PRDM15: variants seen among roughly 807,000 people sequenced by gnomAD.
PRDM15 encodes the protein PR domain zinc finger protein 15.
Under a neutral mutation model 128.6 loss-of-function variants are expected in PRDM15, and 64 were observed. The ratio of observed to expected loss-of-function variants is 0.50; its 90% CI spans 0.41 to 0.61. The LOEUF (loss-of-function observed/expected upper bound fraction) is 0.61. Among genes scored for constraint, PRDM15 ranks in the 20% least tolerant of loss-of-function variants. The pLI is 0.00. For missense variants in PRDM15, 1,242 were observed against 1,569.1 expected, an observed-to-expected ratio of 0.79 and a Z score of 3.52; for synonymous variants, 615 against 621.8, an observed-to-expected ratio of 0.99 and a Z score of 0.16.
chr21:41,810,972 A>G lies in PRDM15; in HGVS notation c.2393-136T>C. On this transcript the variant is annotated intron_variant, in intron 19 of 23. Coordinates refer to ENST00000398548, the MANE Select transcript of PRDM15 (RefSeq NM_001040424.3). This position sits in a 1 kb window ranked among gnomAD's most constrained non-coding sequence, Gnocchi z 6.4. ...GGTGAATTGCAAGAAGACAGCAGAC[A>G]ATGAACGCTCATCCCCAGCCTCGGC... is the stretch of plus-strand genomic sequence containing the variant. The G allele has an allele frequency of 1.4e-6, 1 of 721,968 alleles. No individual in the cohort carries two copies. Among genetic ancestry groups the G allele is most frequent in the Non-Finnish European group, 2.4e-6 (1 of 416,842 alleles). The allele number at this position is 721,968 out of a possible 1,614,324, so 44.7% of individuals were successfully genotyped here.
rs142303131 is a variant in PRDM15, at chr21:41,835,914, C to T, written c.1278+199G>A. ...CCTGGGCACCCACAGCCCTCGCCCA[C>T]TCTCCTCCCTCCCCCACAGGGTTTG... On this transcript the variant is annotated intron_variant, in intron 10 of 23. Transcript: ENST00000398548. 2.0e-3 allele frequency among the ~76,000 whole-genome samples: 293 copies of T among 148,756 alleles called. 5 individuals carry two copies. Among genetic ancestry groups the T allele is most frequent in the African/African-American group, 7.2e-3 (280 of 38,774 alleles).
At position 41,839,841 on chromosome 21, in the gene PRDM15, C is replaced by A. The variant is rs766511865; in HGVS notation, c.653G>T (p.Gly218Val). The change falls in exon 7 of 24, where the codon GGC becomes GTC. Residue 218 changes from glycine to valine, a missense_variant. Physicochemically the swap from Gly to Val is moderately radical, Grantham distance 109. Around this residue, in one of 3 missense-constraint regions of PRDM15, gnomAD observed 612 missense variants for 717.0 expected, o/e 0.85. Coordinates refer to ENST00000398548, the MANE Select transcript of PRDM15 (RefSeq NM_001040424.3). ...ELQLLNEHLLGHLEQAKSLPP... is the reference protein window; with the variant it reads ...ELQLLNEHLLVHLEQAKSLPP... ...AAGGCTTTTGGCTTGTTCTAAGTGG[C>A]CCAACAGATGTTCTGCAAAGAGAGA... The A allele has an allele frequency of 8.7e-6, 14 of 1,614,026 alleles. No homozygotes were observed. In the East Asian group the frequency reaches 8.9e-5, roughly 10 times the overall value.
At chr21:41,818,932 C>G (rs553095586) in intron 18 of PRDM15, among the ~76,000 whole-genome samples, 2 of 152,316 alleles carry the variant, frequency 1.3e-5, no homozygotes, top group Admixed American at 1.3e-4. Flanking sequence ...TGGTGAGTTT[C>G]TCTCTCACCA....
intron 5 of PRDM15, among the ~76,000 whole-genome samples, chr21:41,851,249 C>T (rs867253915): frequency 4.6e-5 from 7 of 152,252 alleles, no homozygotes; most frequent in African/African-American, 1.2e-4. Context: ...CAGTCCTTCA[C>T]GTATCCAGTC....
chr21:41,853,363 A>G (rs1181467070), intron 5 of PRDM15, among the ~76,000 whole-genome samples: 1 of 152,208 alleles, frequency 6.6e-6, no homozygotes, highest in Non-Finnish European at 1.5e-5. Flanking sequence ...ACAAGGAAAC[A>G]ATGCTCGTAT....
At chr21:41,804,857 G>A (rs928596265) in intron 21 of PRDM15, 55 of 373,862 alleles carry the variant, frequency 1.5e-4, no homozygotes, top group South Asian at 1.5e-4. Flanking sequence ...ATCATCTCAC[G>A]TCCACTCCCC....
At chr21:41,831,319 G>A (rs1568943230) in intron 11 of PRDM15, among the ~76,000 whole-genome samples, 1 of 152,224 alleles carries the variant, frequency 6.6e-6, no homozygotes. Flanking sequence ...GGGCCACCCT[G>A]TGCACCGTGG....
At position 41,824,185 on chromosome 21, in the gene PRDM15, G is replaced by C. The variant is rs566680186; in HGVS notation, c.1630-736C>G. Among the ~76,000 whole-genome samples, 7 of 152,254 alleles carry C rather than the reference G, an allele frequency of 4.6e-5. No homozygotes were observed. In the South Asian group the frequency reaches 1.0e-3, roughly 23 times the overall value. Reference sequence around the variant, plus strand: ...CGCCTGATGCCCACATTGTCAAGAAGAGAACAGATGAATGAAAAGAAATGA... The same window carrying C: ...CGCCTGATGCCCACATTGTCAAGAACAGAACAGATGAATGAAAAGAAATGA... On this transcript the variant is annotated intron_variant, in intron 13 of 23. Transcript: ENST00000398548.
Position 41,821,776 on chromosome 21 carries a change from G to T in PRDM15, c.1896+127C>A. 8.4e-7 allele frequency: 1 copy of T among 1,188,872 alleles called. No individual in the cohort carries two copies. Among genetic ancestry groups the T allele is most frequent in the Non-Finnish European group, 1.2e-6 (1 of 828,554 alleles). 73.6% of individuals were successfully genotyped at this position (1,188,872 alleles called of 1,614,324 possible). A position where few individuals can be genotyped will look rare whatever the true frequency, so the allele number is the denominator to read the frequency against. On this transcript the variant is annotated intron_variant, in intron 15 of 23. Coordinates refer to ENST00000398548, the MANE Select transcript of PRDM15 (RefSeq NM_001040424.3). The surrounding 1 kb of genome is among the most constrained non-coding windows in gnomAD (Gnocchi z 5.4). Reference sequence around the variant, plus strand: ...CCAGTCTGCAGTAGGACCACTGGCCGGAGCCTTTGGGGAGGGAGGGCTGCT... The same window carrying T: ...CCAGTCTGCAGTAGGACCACTGGCCTGAGCCTTTGGGGAGGGAGGGCTGCT...
At position 41,828,109 on chromosome 21, in the gene PRDM15, C is replaced by A; in HGVS notation, c.1534+57G>T. 1 of 1,590,688 alleles carries A rather than the reference C, an allele frequency of 6.3e-7. No homozygotes were observed. Among genetic ancestry groups the A allele is most frequent in the Non-Finnish European group, 8.6e-7 (1 of 1,166,344 alleles). On this transcript the variant is annotated intron_variant, in intron 12 of 23. Transcript: ENST00000398548. The surrounding 1 kb of genome is among the most constrained non-coding windows in gnomAD (Gnocchi z 5.7). ...CTGCTGACTGCTCCATGCCGCCCTG[C>A]CCCACCCCGCAGGAGCTGCCTCTCC...
rs116238936 is a variant in PRDM15, at chr21:41,811,209, A to G, written c.2393-373T>C. On this transcript the variant is annotated intron_variant, in intron 19 of 23. Coordinates refer to ENST00000398548, the MANE Select transcript of PRDM15 (RefSeq NM_001040424.3). The surrounding 1 kb of genome is among the most constrained non-coding windows in gnomAD (Gnocchi z 4.1). ...CTTAGGCAGCACATGTGATATTACA[A>G]TGAGAGAGGAAATGGTAACTGAAAT... 1,062 of 201,754 alleles carry G rather than the reference A, an allele frequency of 5.3e-3. 8 individuals carry two copies. The highest frequency in any genetic ancestry group is 0.023 in the African/African-American group (999 of 44,298). The allele number at this position is 201,754 out of a possible 1,614,324, so 12.5% of individuals were successfully genotyped here. A position where few individuals can be genotyped will look rare whatever the true frequency, so the allele number is the denominator to read the frequency against.
At chr21:41,873,241 G>T (rs1190627034) in intron 1 of PRDM15, among the ~76,000 whole-genome samples, 1 of 152,140 alleles carries the variant, frequency 6.6e-6, no homozygotes, top group African/African-American at 2.4e-5. Flanking sequence ...CTACTCCCCG[G>T]ATCTGGAAAG....
In PRDM15 at chr21:41,801,108, A is replaced by C; in HGVS notation, c.*132T>G. The C allele has an allele frequency of 7.8e-7, 1 of 1,289,614 alleles. No homozygotes were observed. The highest frequency in any genetic ancestry group is 1.0e-6 in the Non-Finnish European group (1 of 952,582). 79.9% of individuals were successfully genotyped at this position (1,289,614 alleles called of 1,614,324 possible). A position where few individuals can be genotyped will look rare whatever the true frequency, so the allele number is the denominator to read the frequency against. On this transcript the variant is annotated 3_prime_UTR_variant, in exon 24 of 24. Transcript: ENST00000398548. The stretch of plus-strand genomic sequence containing the variant: ...ATGGTTGCTGGCGGGGGATCTGGAG[A>C]TACTCTGCAAAGCTAAGTCAACCTT...
chr21:41,852,154 C>T (rs183024080), intron 5 of PRDM15, among the ~76,000 whole-genome samples: 2 of 152,338 alleles, frequency 1.3e-5, no homozygotes, highest in African/African-American at 2.4e-5. Context: ...AAAATGAATA[C>T]GAAACACCTG....
chr21:41,829,063 CCATA>C (rs1388415197), intron 11 of PRDM15, among the ~76,000 whole-genome samples: 5 of 147,762 alleles, frequency 3.4e-5, no homozygotes, highest in East Asian at 4.0e-4. Context: ...ATCACACACA[CCATA>C]CACACACCAC....
intron 14 of PRDM15, 89 bp from the exon 15 acceptor site, chr21:41,822,126 C>A: frequency 1.3e-6 from 2 of 1,568,646 alleles, no homozygotes; most frequent in Non-Finnish European, 1.7e-6. Context: ...AATCATTTCC[C>A]CAGATGCAGA....
rs1481952255 is a variant in PRDM15, at chr21:41,799,845, C to A, written c.*1395G>T. The A allele has an allele frequency of 1.3e-5, 2 of 152,484 alleles. No individual in the cohort carries two copies. The highest frequency in any genetic ancestry group is 2.9e-5 in the Non-Finnish European group (2 of 68,028). The allele number at this position is 152,484 out of a possible 1,614,324, so 9.4% of individuals were successfully genotyped here. ...CTCACTGTGGCCACAAACAGAGTACCAGGAAAGTTAAGAGCAAACTTCTCC... is the reference window on the plus strand; with the variant it reads ...CTCACTGTGGCCACAAACAGAGTACAAGGAAAGTTAAGAGCAAACTTCTCC... On this transcript the variant is annotated 3_prime_UTR_variant, in exon 24 of 24. Coordinates refer to ENST00000398548, the MANE Select transcript of PRDM15 (RefSeq NM_001040424.3).
chr21:41,836,436 C>T (rs1050146546), intron 9 of PRDM15, 32 bp downstream of exon 9: 1 of 1,588,376 alleles, frequency 6.3e-7, no homozygotes, highest in African/African-American at 1.3e-5. Context: ...CTGGCCCTGG[C>T]CCCGGGCGCC....
intron 5 of PRDM15, among the ~76,000 whole-genome samples, chr21:41,853,036 G>A (rs992603115): frequency 2.0e-5 from 3 of 152,236 alleles, no homozygotes; most frequent in African/African-American, 7.2e-5. Flanking sequence ...GTTGGGGAGA[G>A]TCCCGGGACA....
Sources: gnomAD v4.1 joint callset for allele counts (sites outside exome capture counted in the v4.1 genomes callset) on GRCh38, gnomAD v4.1.1 for gene constraint, gnomAD v4.1.1 regional missense constraint, Gnocchi (gnomAD v3.1) non-coding constraint, MANE v1.5 for transcripts, NCBI Gene and HGNC (gene_info 2026-07-23, HGNC 2026-07-21) for gene names.